Variants in COL28A1 observed in about 807,000 individuals in gnomAD.
COL28A1 encodes the protein collagen type XXVIII alpha 1 chain.
COL28A1 carries 161 observed loss-of-function variants against 150.2 expected under a neutral mutation model. The ratio of observed to expected loss-of-function variants is 1.07; its 90% CI spans 0.94 to 1.22. The LOEUF (loss-of-function observed/expected upper bound fraction) is 1.22, where lower values mean the gene tolerates loss of function less well. COL28A1 is among the 50% of genes most tolerant of loss of function. The pLI is 0.00. For missense variants in COL28A1, 1,617 were observed against 1,388.3 expected, an observed-to-expected ratio of 1.16 and a Z score of -2.62; for synonymous variants, 552 against 469.7, an observed-to-expected ratio of 1.18 and a Z score of -2.26.
intron 33 of COL28A1, among the ~76,000 whole-genome samples, chr7:7,366,294 C>A (rs541706569): frequency 6.6e-6 from 1 of 152,074 alleles, no homozygotes; most frequent in African/African-American, 2.4e-5. Flanking sequence ...GAAAAAAGAC[C>A]ACACACATTA....
In COL28A1 at chr7:7,446,567, C is replaced by T. The variant is rs146388070; in HGVS notation, c.1510-2078G>A. Among the ~76,000 whole-genome samples the T allele has an allele frequency of 4.6e-3, 707 of 152,052 alleles. 5 individuals are homozygous for T. The highest frequency in any genetic ancestry group is 0.022 in the East Asian group (114 of 5,182). ...TATTCCCTATCTTATACAAACATTT[C>T]TAAAAAAAATAGAAAAGAGGGACGT... On this transcript the variant is annotated intron_variant, in intron 18 of 34. Coordinates refer to ENST00000399429, the MANE Select transcript of COL28A1 (RefSeq NM_001037763.3).
intron 23 of COL28A1, among the ~76,000 whole-genome samples, chr7:7,434,610 G>T (rs182980624): frequency 6.6e-6 from 1 of 152,130 alleles, no homozygotes; most frequent in Admixed American, 6.5e-5. Context: ...CACAGCGGAG[G>T]GGAAAACCAT....
intron 13 of COL28A1, among the ~76,000 whole-genome samples, chr7:7,479,139 T>G (rs1252227094): frequency 6.6e-6 from 1 of 152,200 alleles, no homozygotes; most frequent in Non-Finnish European, 1.5e-5. Flanking sequence ...ATCTGTGGAT[T>G]TTGGTGTCTA....
At chr7:7,424,642 C>T (rs1254525875) in intron 25 of COL28A1, among the ~76,000 whole-genome samples, 7 of 152,064 alleles carry the variant, frequency 4.6e-5, no homozygotes, top group Non-Finnish European at 8.8e-5. Flanking sequence ...ATTCTAGAGT[C>T]GCCATTGGTA....
In COL28A1 at chr7:7,400,303, A is replaced by T. The variant is rs548345038; in HGVS notation, c.2136+17556T>A. Among the ~76,000 whole-genome samples, 11 of 152,296 alleles carry T rather than the reference A, an allele frequency of 7.2e-5. No individual in the cohort carries two copies. In the South Asian group the frequency reaches 2.1e-3, roughly 29 times the overall value. ...TGTAACCACAAGTATTCTAAGAGCA[A>T]GGCAGAGGGAGATTTGACAGACAGG... On this transcript the variant is annotated intron_variant, in intron 27 of 34. Transcript: ENST00000399429.
Position 7,417,769 on chromosome 7 carries a change from A to G in COL28A1, c.2136+90T>C, listed in dbSNP as rs1215634280. On this transcript the variant is annotated intron_variant, in intron 27 of 34. Transcript: ENST00000399429. ...GCGAGGCTCACAATAAATCTATTTC[A>G]TAATAGCCATTTTTGCGTTATCTAC... 7.0e-5 allele frequency: 74 copies of G among 1,050,280 alleles called. 1 individual carries two copies. Among genetic ancestry groups the G allele is most frequent in the South Asian group, 1.3e-5 (1 of 77,244 alleles). The allele number at this position is 1,050,280 out of a possible 1,614,324, so 65.1% of individuals were successfully genotyped here.
At chr7:7,477,327 T>G in intron 13 of COL28A1, 147 bp from the exon 14 acceptor site, 1 of 611,828 alleles carries the variant, frequency 1.6e-6, no homozygotes, top group South Asian at 2.1e-5. Context: ...GTACTAAACA[T>G]GTACAGGCTT....
chr7:7,417,722 A>C, intron 27 of COL28A1, 137 bp downstream of exon 27: 3 of 726,742 alleles, frequency 4.1e-6, no homozygotes, highest in Non-Finnish European at 7.3e-6. Flanking sequence ...TGATGTCTCT[A>C]AACACTGGAT....
At chr7:7,381,649 T>G in intron 27 of COL28A1, 37 bp from the exon 28 acceptor site, 1 of 1,510,304 alleles carries the variant, frequency 6.6e-7, no homozygotes, top group Non-Finnish European at 9.2e-7. Flanking sequence ...TCTATTAATT[T>G]CCCAGGATAG....
At chr7:7,392,358 T>G (rs938049088) in intron 27 of COL28A1, among the ~76,000 whole-genome samples, 1 of 152,224 alleles carries the variant, frequency 6.6e-6, no homozygotes, top group Non-Finnish European at 1.5e-5. Context: ...TAGTCTGATG[T>G]GCTTCCCTTT....
At position 7,383,902 on chromosome 7, in the gene COL28A1, C is replaced by T. The variant is rs12668055; in HGVS notation, c.2137-2290G>A. On this transcript the variant is annotated intron_variant, in intron 27 of 34. Coordinates refer to ENST00000399429, the MANE Select transcript of COL28A1 (RefSeq NM_001037763.3). ...CATTCCTAGGAGGAAACTCTTACAT[C>T]GAAACAAATATTATATAAAATGGTA... Among the ~76,000 whole-genome samples, 84 of 151,912 alleles carry T rather than the reference C, an allele frequency of 5.5e-4. 2 individuals carry two copies. The East Asian group carries it at 0.012, about 22-fold the overall frequency.
At chr7:7,436,327 T>G (rs1380055018) in intron 23 of COL28A1, 68 bp downstream of exon 23, 2 of 860,756 alleles carry the variant, frequency 2.3e-6, no homozygotes, top group East Asian at 2.4e-5. Flanking sequence ...AAAAATCAAC[T>G]TATGCATTAA....
rs561358280 is a variant in COL28A1 at position 7,458,809 on chromosome 7, CA to C, written c.1303-2698del. ...AGACGGCAGAGGTGACAGTCAAGTC[CA>C]ACTCATAGCCACTAGCCAAAACCCA... On this transcript the variant is annotated intron_variant, in intron 15 of 34. Coordinates refer to ENST00000399429, the MANE Select transcript of COL28A1 (RefSeq NM_001037763.3). Among the ~76,000 whole-genome samples, 708 of 152,256 alleles carry C rather than the reference CA, an allele frequency of 4.7e-3. 5 individuals are homozygous for C. Among genetic ancestry groups the C allele is most frequent in the East Asian group, 0.022 (114 of 5,184 alleles).
At chr7:7,434,930 G>T (rs568375000) in intron 23 of COL28A1, among the ~76,000 whole-genome samples, 1 of 152,162 alleles carries the variant, frequency 6.6e-6, no homozygotes, top group Non-Finnish European at 1.5e-5. Flanking sequence ...GCATCTGGGA[G>T]ACCCCTGAAG....
At chr7:7,372,467 C>T (rs1012315307) in intron 32 of COL28A1, among the ~76,000 whole-genome samples, 6 of 151,404 alleles carry the variant, frequency 4.0e-5, no homozygotes, top group East Asian at 1.9e-4. Flanking sequence ...GATAAATTCC[C>T]GATATCAACC....
At chr7:7,439,879 T>A (rs1450962572) in intron 21 of COL28A1, among the ~76,000 whole-genome samples, 3 of 152,212 alleles carry the variant, frequency 2.0e-5, no homozygotes, top group Non-Finnish European at 4.4e-5. Context: ...GGACACTGAA[T>A]GGACACTGAA....
chr7:7,512,689 T>C (rs1199287345), intron 8 of COL28A1, among the ~76,000 whole-genome samples: 1 of 152,220 alleles, frequency 6.6e-6, no homozygotes, highest in African/African-American at 2.4e-5. Context: ...TAAATCACTT[T>C]AGAGTTTTCA....
chr7:7,400,974 G>GT (rs1177443236), intron 27 of COL28A1, among the ~76,000 whole-genome samples: 32 of 112,462 alleles, frequency 2.8e-4, no homozygotes, highest in Middle Eastern at 4.0e-3. Flanking sequence ...GTGGGTATTT[G>GT]GGTGTGTGTG....
chr7:7,389,442 C>T (rs1004874514), intron 27 of COL28A1, among the ~76,000 whole-genome samples: 1 of 152,126 alleles, frequency 6.6e-6, no homozygotes, highest in African/African-American at 2.4e-5. Flanking sequence ...ATCCCTCCAG[C>T]TTTGTCCTTT....
Sources: gnomAD v4.1 joint callset for allele counts (sites outside exome capture counted in the v4.1 genomes callset) on GRCh38, gnomAD v4.1.1 for gene constraint, MANE v1.5 for transcripts, NCBI Gene and HGNC (gene_info 2026-07-23, HGNC 2026-07-21) for gene names.